Variants in SRRM4 observed in about 807,000 individuals in gnomAD.
The protein encoded by SRRM4 is serine/arginine repetitive matrix 4, also known as serine/arginine repetitive matrix protein 4.
In SRRM4, 33 loss-of-function variants were observed where a neutral mutation model predicts 68.9. The observed-to-expected ratio is 0.48, with a 90% CI of 0.36 to 0.64. The LOEUF (loss-of-function observed/expected upper bound fraction) is 0.64, where lower values mean the gene tolerates loss of function less well. Among genes scored for constraint, SRRM4 ranks in the 30% least tolerant of loss-of-function variants. The probability of loss-of-function intolerance (pLI) is 0.00; values close to 1 mark genes in which losing one functional copy is unlikely to be tolerated. For synonymous variants in SRRM4, 318 were observed against 318.8 expected (o/e 1.00, Z 0.03); for missense variants, 817 against 827.1 (o/e 0.99, Z 0.15).
chr12:119,080,010 G>A (rs1217195749), intron 1 of SRRM4, among the ~76,000 whole-genome samples: 2 of 151,910 alleles, frequency 1.3e-5, no homozygotes, highest in Admixed American at 6.6e-5. Context: ...CCCGAATTCA[G>A]CTACCGGTGC....
intron 1 of SRRM4, among the ~76,000 whole-genome samples, chr12:119,088,673 G>A (rs1378381611): frequency 1.1e-4 from 16 of 150,764 alleles, no homozygotes; most frequent in Non-Finnish European, 2.1e-4. Flanking sequence ...TTTGGGGGGC[G>A]TGGGGGTGGG....
In SRRM4 at chr12:119,159,742, G is replaced by A. The variant is rs891905612; in HGVS notation, c.*2944G>A. ...ACTCCACAGTACCTAATTTCTCTCT[G>A]TCCCCTGAGATCTGAAGGCTACCTT... On this transcript the variant is annotated 3_prime_UTR_variant, in exon 13 of 13. Coordinates refer to ENST00000267260, the MANE Select transcript of SRRM4 (RefSeq NM_194286.4). The A allele has an allele frequency of 7.9e-5, 12 of 152,066 alleles. No homozygotes were observed. The highest frequency in any genetic ancestry group is 5.2e-4 in the Admixed American group (8 of 15,272). The allele number at this position is 152,066 out of a possible 1,614,324, so 9.4% of individuals were successfully genotyped here. A position where few individuals can be genotyped will look rare whatever the true frequency, so the allele number is the denominator to read the frequency against.
intron 1 of SRRM4, among the ~76,000 whole-genome samples, chr12:119,011,865 C>G (rs12425571): frequency 3.9e-5 from 6 of 152,188 alleles, no homozygotes; most frequent in Admixed American, 3.9e-4. Context: ...TTGCCAATCT[C>G]AGCTGGGCAA....
intron 8 of SRRM4, among the ~76,000 whole-genome samples, chr12:119,142,054 A>G (rs1954368617): frequency 6.6e-6 from 1 of 152,164 alleles, no homozygotes; most frequent in African/African-American, 2.4e-5. Flanking sequence ...TTAGAACAAG[A>G]TGGGATGGCA....
At position 119,068,580 on chromosome 12, in the gene SRRM4, C is replaced by T. The variant is rs150867959; in HGVS notation, c.132-33656C>T. On this transcript the variant is annotated intron_variant, in intron 1 of 12. Coordinates refer to ENST00000267260, the MANE Select transcript of SRRM4 (RefSeq NM_194286.4). ...CATATGTGAAATCACCTTGAAGAGC[C>T]GCTGTTTCCATGGCTTGGGGAGTTT... 6.3e-3 allele frequency among the ~76,000 whole-genome samples: 963 copies of T among 152,244 alleles called. 17 individuals carry two copies. Among genetic ancestry groups the T allele is most frequent in the African/African-American group, 0.022 (899 of 41,542 alleles).
rs543440906 is a variant in SRRM4 at position 118,992,717 on chromosome 12, T to C, written c.131+10704T>C. On this transcript the variant is annotated intron_variant, in intron 1 of 12. Transcript: ENST00000267260. The stretch of plus-strand genomic sequence containing the variant: ...TGCCTCACTGGGGCACTTAGTCTAC[T>C]GTCAGGATGAGAGGGCAGCCAGGGG... Among the ~76,000 whole-genome samples, 6 of 152,324 alleles carry C rather than the reference T, an allele frequency of 3.9e-5. No homozygotes were observed. In the South Asian group the frequency reaches 8.3e-4, roughly 21 times the overall value.
At chr12:119,096,187 A>AT (rs749042616) in intron 1 of SRRM4, among the ~76,000 whole-genome samples, 3,675 of 134,316 alleles carry the variant, frequency 0.027, 48 homozygotes, top group Middle Eastern at 0.034. Context: ...CGCCCAGCTA[A>AT]TTTTTTTTTT....
chr12:119,156,654 C>A lies in SRRM4; in HGVS notation c.1692C>A (p.Thr564=), dbSNP rs1374377543. The part of the protein sequence containing the change: ...SRSRSRRRSR[T]RTSSSSSSRS... ...GCCGGAGCCGGAGACGGAGCCGGAC[C>A]CGCACGAGCAGCAGCTCTAGCTCCC... Residue 564 remains threonine, a synonymous_variant, in exon 13 of 13, where the codon ACC becomes ACA. Coordinates refer to ENST00000267260, the MANE Select transcript of SRRM4 (RefSeq NM_194286.4). 2 of 1,581,142 alleles carry A rather than the reference C, an allele frequency of 1.3e-6. No individual in the cohort carries two copies. Among genetic ancestry groups the A allele is most frequent in the Non-Finnish European group, 1.7e-6 (2 of 1,165,270 alleles).
At chr12:119,024,960 G>A (rs1953538443) in intron 1 of SRRM4, among the ~76,000 whole-genome samples, 1 of 152,176 alleles carries the variant, frequency 6.6e-6, no homozygotes, top group Non-Finnish European at 1.5e-5. Context: ...AATGGGGAGT[G>A]AGAGGATACG....
chr12:118,988,784 T>A (rs539512635), intron 1 of SRRM4, among the ~76,000 whole-genome samples: 1 of 152,118 alleles, frequency 6.6e-6, no homozygotes, highest in East Asian at 1.9e-4. Flanking sequence ...AATAAATAAA[T>A]GAGAGCTGGT....
chr12:118,997,153 C>A (rs1953354880), intron 1 of SRRM4, among the ~76,000 whole-genome samples: 1 of 152,266 alleles, frequency 6.6e-6, no homozygotes, highest in Admixed American at 6.5e-5. Context: ...CACAGCTCAA[C>A]TCAAAGATGG....
At chr12:119,129,133 A>G (rs1954278025) in intron 7 of SRRM4, among the ~76,000 whole-genome samples, 1 of 152,234 alleles carries the variant, frequency 6.6e-6, no homozygotes, top group Admixed American at 6.5e-5. Context: ...GAAGATCCCT[A>G]AACATCTCTG....
chr12:119,135,413 T>A (rs1322511018), intron 8 of SRRM4, among the ~76,000 whole-genome samples: 1 of 152,104 alleles, frequency 6.6e-6, no homozygotes, highest in Non-Finnish European at 1.5e-5. Flanking sequence ...TGTACAAATG[T>A]CGAAACCAAA....
In SRRM4 at chr12:119,156,632, G is replaced by A. The variant is rs1323825643; in HGVS notation, c.1670G>A (p.Arg557Gln). Residue 557 changes from arginine (R) to glutamine (Q), a missense_variant, in exon 13 of 13, where the codon CGG (arginine) becomes CAG (glutamine). Transcript: ENST00000267260. ...RSYSRSRSRS[R>Q]SRRRSRTRTS... ...TACTCCCGGAGCCGGAGTCGGAGCC[G>A]GAGCCGGAGACGGAGCCGGACCCGC... The A allele has an allele frequency of 3.7e-6, 6 of 1,600,664 alleles. No homozygotes were observed. The highest frequency in any genetic ancestry group is 1.1e-5 in the South Asian group (1 of 88,764).
At chr12:119,056,743 C>G (rs1024567032) in intron 1 of SRRM4, among the ~76,000 whole-genome samples, 1 of 152,112 alleles carries the variant, frequency 6.6e-6, no homozygotes, top group Non-Finnish European at 1.5e-5. Flanking sequence ...AGATTTCAAG[C>G]AATTCCCTCC....
rs1954070227 is a variant in SRRM4, at chr12:119,100,266, G to A, written c.132-1970G>A. Among the ~76,000 whole-genome samples, 3 of 148,954 alleles carry A rather than the reference G, an allele frequency of 2.0e-5. No homozygotes were observed. In the South Asian group the frequency reaches 6.4e-4, roughly 32 times the overall value. ...AGCACTTTGGGAGGCCAAGTCAGGA[G>A]GATTGCTTGAGCCCAGGAGTTCAAG... On this transcript the variant is annotated intron_variant, in intron 1 of 12. Transcript: ENST00000267260.
intron 1 of SRRM4, among the ~76,000 whole-genome samples, chr12:119,013,417 A>T (rs140337697): frequency 1.3e-5 from 2 of 152,354 alleles, no homozygotes; most frequent in African/African-American, 4.8e-5. Context: ...TTTGTAAATG[A>T]GTTTTAATCA....
chr12:119,122,899 C>T (rs1268128277), intron 6 of SRRM4, among the ~76,000 whole-genome samples: 1 of 152,140 alleles, frequency 6.6e-6, no homozygotes, highest in Non-Finnish European at 1.5e-5. Context: ...GCTCCTAGCT[C>T]CAGTCTTGGG....
intron 2 of SRRM4, among the ~76,000 whole-genome samples, chr12:119,111,703 A>C (rs1265816032): frequency 6.6e-6 from 1 of 152,198 alleles, no homozygotes; most frequent in African/African-American, 2.4e-5. Context: ...TTGGTCACTC[A>C]GCAAATATTG....
Sources: gnomAD v4.1 joint callset for allele counts (sites outside exome capture counted in the v4.1 genomes callset) on GRCh38, gnomAD v4.1.1 for gene constraint, MANE v1.5 for transcripts, NCBI Gene and HGNC (gene_info 2026-07-23, HGNC 2026-07-21) for gene names.